GRM8: variants seen among roughly 807,000 people sequenced by gnomAD.
GRM8 encodes glutamate metabotropic receptor 8.
A neutral mutation model predicts 87.2 loss-of-function variants in GRM8; 47 were observed. The observed-to-expected ratio is 0.54, with a 90% confidence interval of 0.43 to 0.69. GRM8 has a LOEUF of 0.69. Among genes scored for constraint, GRM8 ranks in the 30% least tolerant of loss-of-function variants. The pLI, the probability that GRM8 is intolerant of heterozygous loss-of-function variation, is 0.00. For missense variants in GRM8, 1,019 were observed against 1,139.2 expected (o/e 0.89, Z 1.52); for synonymous variants, 396 against 404.5 (o/e 0.98, Z 0.25).
At chr7:127,210,592 T>C (rs761556212) in intron 2 of GRM8, among the ~76,000 whole-genome samples, 6 of 152,162 alleles carry the variant, frequency 3.9e-5, no homozygotes, top group Non-Finnish European at 8.8e-5. Context: ...CTAGCATACA[T>C]GATAAATTTT....
At chr7:127,031,497 C>A (rs1817361546) in intron 3 of GRM8, among the ~76,000 whole-genome samples, 1 of 152,046 alleles carries the variant, frequency 6.6e-6, no homozygotes, top group African/African-American at 2.4e-5. Context: ...GCAAATCCAC[C>A]TAAATCCATC....
chr7:126,631,864 C>T (rs1485238087), intron 7 of GRM8, among the ~76,000 whole-genome samples: 1 of 152,074 alleles, frequency 6.6e-6, no homozygotes, highest in African/African-American at 2.4e-5. Context: ...TTTTTTACAC[C>T]TTATACAAAA....
intron 3 of GRM8, among the ~76,000 whole-genome samples, chr7:126,966,004 ATCAT>A (rs914535731): frequency 6.6e-6 from 1 of 152,174 alleles, no homozygotes; most frequent in Non-Finnish European, 1.5e-5. Context: ...TTCAAAAAAT[ATCAT>A]TCAAATTATA....
chr7:126,621,411 G>C (rs1259915345), intron 7 of GRM8, among the ~76,000 whole-genome samples: 8 of 151,940 alleles, frequency 5.3e-5, no homozygotes, highest in African/African-American at 1.7e-4. Flanking sequence ...TTTTTTGTTT[G>C]TTTGTTTGTC....
chr7:126,950,466 G>A (rs548080886), intron 3 of GRM8, among the ~76,000 whole-genome samples: 2 of 152,174 alleles, frequency 1.3e-5, no homozygotes, highest in South Asian at 2.1e-4. Flanking sequence ...TAAAATTGGG[G>A]ATCATTTTCA....
At chr7:126,499,592 C>T (rs1809325061) in intron 9 of GRM8, among the ~76,000 whole-genome samples, 1 of 151,616 alleles carries the variant, frequency 6.6e-6, no homozygotes, top group African/African-American at 2.4e-5. Context: ...CAGTGAAATA[C>T]TATTCGGCCT....
chr7:126,653,317 G>T (rs66663003), intron 7 of GRM8, among the ~76,000 whole-genome samples: 1 of 122,642 alleles, frequency 8.2e-6, no homozygotes, highest in Non-Finnish European at 1.7e-5. Flanking sequence ...AAAAAAAAAA[G>T]GCAAGGAGAG....
chr7:127,197,242 C>CT (rs1421167696), intron 2 of GRM8, among the ~76,000 whole-genome samples: 2 of 152,148 alleles, frequency 1.3e-5, no homozygotes, highest in Non-Finnish European at 2.9e-5. Context: ...TTCTAATCTA[C>CT]TTTTTAAATG....
intron 8 of GRM8, among the ~76,000 whole-genome samples, chr7:126,593,093 G>C (rs931709155): frequency 1.3e-5 from 2 of 151,720 alleles, no homozygotes; most frequent in African/African-American, 2.4e-5. Flanking sequence ...ATGAAATACT[G>C]GTGAAAAAAT....
chr7:126,749,080 C>A (rs183905055), intron 7 of GRM8, among the ~76,000 whole-genome samples: 1 of 152,168 alleles, frequency 6.6e-6, no homozygotes, highest in Non-Finnish European at 1.5e-5. Context: ...TCGAGACCAG[C>A]CTGGCCAACA....
At chr7:127,178,904 C>T (rs1258397166) in intron 2 of GRM8, among the ~76,000 whole-genome samples, 1 of 152,084 alleles carries the variant, frequency 6.6e-6, no homozygotes, top group Admixed American at 6.6e-5. Flanking sequence ...GCATAAATCA[C>T]ACAGGACCTA....
chr7:127,152,416 G>C (rs2237797), intron 2 of GRM8, among the ~76,000 whole-genome samples: 1 of 151,836 alleles, frequency 6.6e-6, no homozygotes, highest in African/African-American at 2.4e-5. Context: ...GTAGCAAAGT[G>C]AGAAAGAAAT....
intron 3 of GRM8, among the ~76,000 whole-genome samples, chr7:127,069,023 C>T (rs1280178337): frequency 1.3e-5 from 2 of 152,088 alleles, no homozygotes; most frequent in East Asian, 1.9e-4. Context: ...AAGTCTTTAA[C>T]GTTATTATAA....
chr7:126,568,423 A>C (rs771235519), intron 8 of GRM8, among the ~76,000 whole-genome samples: 1 of 152,144 alleles, frequency 6.6e-6, no homozygotes, highest in African/African-American at 2.4e-5. Context: ...AAACTAAGTT[A>C]TTTAGGGTTA....
chr7:126,931,630 A>C (rs1240088770), intron 3 of GRM8, among the ~76,000 whole-genome samples: 1 of 152,226 alleles, frequency 6.6e-6, no homozygotes, highest in African/African-American at 2.4e-5. Context: ...AGTCTCACCA[A>C]GACAACTGAA....
intron 2 of GRM8, among the ~76,000 whole-genome samples, chr7:127,175,897 T>C (rs1260779748): frequency 6.6e-6 from 1 of 152,102 alleles, no homozygotes; most frequent in Non-Finnish European, 1.5e-5. Context: ...GAAACTCAAA[T>C]CTATGTAAAG....
At position 126,615,043 on chromosome 7, in the gene GRM8, G is replaced by A. The variant is rs192051750; in HGVS notation, c.1358-5545C>T. Among the ~76,000 whole-genome samples, 471 of 152,176 alleles carry A rather than the reference G, an allele frequency of 3.1e-3. 7 individuals are homozygous for A. Among genetic ancestry groups the A allele is most frequent in the Middle Eastern group, 0.01 (3 of 294 alleles). On this transcript the variant is annotated intron_variant, in intron 7 of 10. Coordinates refer to ENST00000339582, the MANE Select transcript of GRM8 (RefSeq NM_000845.3). Reference sequence around the variant, plus strand: ...AGAGAACACCACAAAGATACTCCTCGAGAAGAGCAACTCCAAGACACATAA... The same window carrying A: ...AGAGAACACCACAAAGATACTCCTCAAGAAGAGCAACTCCAAGACACATAA...
At chr7:127,155,788 G>A (rs1160040631) in intron 2 of GRM8, among the ~76,000 whole-genome samples, 2 of 152,162 alleles carry the variant, frequency 1.3e-5, no homozygotes, top group Non-Finnish European at 2.9e-5. Flanking sequence ...TATATAAGAA[G>A]TAGAGAAAGA....
intron 3 of GRM8, among the ~76,000 whole-genome samples, chr7:127,029,661 C>CTTTTTT (rs5887322): frequency 6.7e-6 from 1 of 148,524 alleles, no homozygotes. Context: ...GCAACCTCTG[C>CTTTTTT]TTTTTTTTTT....
Sources: allele counts gnomAD v4.1 joint callset (sites outside exome capture counted in the v4.1 genomes callset), GRCh38; gene constraint gnomAD v4.1.1; transcripts MANE v1.5; gene names NCBI Gene and HGNC (gene_info 2026-07-23, HGNC 2026-07-21).